The following CLSTN2 variants were observed in gnomAD, a reference collection of about 807,000 sequenced individuals.
CLSTN2 encodes the protein calsyntenin 2.
A neutral mutation model predicts 101.2 loss-of-function variants in CLSTN2; 48 were observed. That is an observed-to-expected ratio of 0.47 (90% CI 0.38 to 0.60). The LOEUF (loss-of-function observed/expected upper bound fraction) is 0.60, where lower values mean the gene tolerates loss of function less well. CLSTN2 is among the 20% of genes least tolerant of loss of function. CLSTN2 has a pLI of 0.00. For synonymous variants in CLSTN2, 481 were observed against 463.6 expected, an observed-to-expected ratio of 1.04 and a Z score of -0.48; for missense variants, 1,160 against 1,238.2, an observed-to-expected ratio of 0.94 and a Z score of 0.95.
intron 2 of CLSTN2, among the ~76,000 whole-genome samples, chr3:140,368,465 T>C (rs1479275156): frequency 2.0e-5 from 3 of 152,194 alleles, no homozygotes; most frequent in African/African-American, 7.2e-5. Flanking sequence ...TCCTGTTAAA[T>C]GGCCCCATCA....
At chr3:140,029,361 A>G (rs1411987697) in intron 1 of CLSTN2, among the ~76,000 whole-genome samples, 1 of 151,934 alleles carries the variant, frequency 6.6e-6, no homozygotes, top group Non-Finnish European at 1.5e-5. Context: ...TTTGTGACTA[A>G]AAGTATATAG....
chr3:140,532,323 G>T lies in CLSTN2; in HGVS notation c.1345-1G>T. The T allele has an allele frequency of 1.3e-6, 2 of 1,586,088 alleles. No homozygotes were observed. The highest frequency in any genetic ancestry group is 1.2e-5 in the South Asian group (1 of 85,646). On this transcript the variant is annotated splice_acceptor_variant, in intron 8 of 16. Transcript: ENST00000458420. LOFTEE classifies it high-confidence loss of function. ...ATGTTGCTTCTCTTTCCTTTTCTTA[G>T]ATTTGTGACAAAGAGTGGCACTACT...
intron 1 of CLSTN2, among the ~76,000 whole-genome samples, chr3:140,038,677 T>C (rs1268485344): frequency 6.6e-6 from 1 of 152,136 alleles, no homozygotes; most frequent in East Asian, 1.9e-4. Flanking sequence ...AAAAAGTAAT[T>C]CCTCACTATC....
At chr3:140,354,792 G>A (rs1462080471) in intron 2 of CLSTN2, among the ~76,000 whole-genome samples, 1 of 152,182 alleles carries the variant, frequency 6.6e-6, no homozygotes, top group African/African-American at 2.4e-5. Flanking sequence ...AACAGACTTT[G>A]CTTTCTCTCT....
intron 1 of CLSTN2, among the ~76,000 whole-genome samples, chr3:139,985,962 G>A (rs371130232): frequency 4.6e-5 from 7 of 152,352 alleles, no homozygotes; most frequent in Admixed American, 2.6e-4. Flanking sequence ...CATGTGGCTA[G>A]TGGCTGCTAC....
chr3:140,048,996 G>T (rs563225969), intron 1 of CLSTN2, among the ~76,000 whole-genome samples: 1 of 152,322 alleles, frequency 6.6e-6, no homozygotes, highest in East Asian at 1.9e-4. Flanking sequence ...TGTTTGTGCT[G>T]GTCTTTGCAC....
rs536399245 is a variant in CLSTN2 at position 140,222,374 on chromosome 3, G to A, written c.232+46301G>A. Among the ~76,000 whole-genome samples, 325 of 152,024 alleles carry A rather than the reference G, an allele frequency of 2.1e-3. 1 individual carries two copies. The highest frequency in any genetic ancestry group is 7.4e-3 in the African/African-American group (306 of 41,410). ...TGGGGATAGTTAATTCGTACAAAAA[G>A]AAAAACTTAGAAAGAATCAATAAGG... On this transcript the variant is annotated intron_variant, in intron 2 of 16. Coordinates refer to ENST00000458420, the MANE Select transcript of CLSTN2 (RefSeq NM_022131.3).
intron 1 of CLSTN2, among the ~76,000 whole-genome samples, chr3:139,993,096 G>A (rs921393195): frequency 6.6e-6 from 1 of 152,154 alleles, no homozygotes; most frequent in Non-Finnish European, 1.5e-5. Context: ...TCTGTTGTGT[G>A]TGTGTATGGG....
At position 140,209,076 on chromosome 3, in the gene CLSTN2, GA is replaced by G. The variant is rs546170076; in HGVS notation, c.232+33011del. ...TTTCTATAAGAACAATTTATTTATG[GA>G]AAAAAAATCACTCCCATTCTGTCTA... On this transcript the variant is annotated intron_variant, in intron 2 of 16. Coordinates refer to ENST00000458420, the MANE Select transcript of CLSTN2 (RefSeq NM_022131.3). Among the ~76,000 whole-genome samples, 267 of 151,948 alleles carry G rather than the reference GA, an allele frequency of 1.8e-3. 2 individuals are homozygous for G. The highest frequency in any genetic ancestry group is 6.2e-3 in the African/African-American group (257 of 41,448).
intron 2 of CLSTN2, among the ~76,000 whole-genome samples, chr3:140,359,990 T>TTA (rs1257212524): frequency 3.7e-5 from 4 of 106,808 alleles, no homozygotes; most frequent in South Asian, 3.0e-4. Flanking sequence ...CATACATATT[T>TTA]TATACACACA....
intron 2 of CLSTN2, among the ~76,000 whole-genome samples, chr3:140,388,313 A>G (rs1559855972): frequency 1.3e-5 from 2 of 152,268 alleles, no homozygotes; most frequent in Non-Finnish European, 2.9e-5. Context: ...TAATTTGAAT[A>G]TGGCTATTGA....
intron 1 of CLSTN2, among the ~76,000 whole-genome samples, chr3:140,102,670 C>T (rs533883795): frequency 3.3e-5 from 5 of 152,236 alleles, no homozygotes; most frequent in African/African-American, 1.2e-4. Flanking sequence ...GTTAATGATA[C>T]TGGTATGAGA....
intron 9 of CLSTN2, among the ~76,000 whole-genome samples, chr3:140,537,149 C>A (rs1935376591): frequency 2.0e-5 from 3 of 152,078 alleles, no homozygotes; most frequent in Admixed American, 1.3e-4. Flanking sequence ...GTTTCAGGTG[C>A]TTTTGAGGTT....
At chr3:140,057,995 G>T (rs1433571458) in intron 1 of CLSTN2, among the ~76,000 whole-genome samples, 1 of 152,162 alleles carries the variant, frequency 6.6e-6, no homozygotes, top group Non-Finnish European at 1.5e-5. Flanking sequence ...TTCACGCTCT[G>T]CAAGGCCTTA....
intron 2 of CLSTN2, among the ~76,000 whole-genome samples, chr3:140,277,503 A>G (rs561253297): frequency 1.2e-4 from 18 of 152,220 alleles, no homozygotes; most frequent in Non-Finnish European, 1.8e-4. Flanking sequence ...CCTAGAATTT[A>G]CTTAGCAATA....
Position 139,957,126 on chromosome 3 carries a change from T to C in CLSTN2, c.109+21643T>C, listed in dbSNP as rs112586288. 6.5e-3 allele frequency among the ~76,000 whole-genome samples: 996 copies of C among 152,324 alleles called. 6 individuals are homozygous for C. Among genetic ancestry groups the C allele is most frequent in the African/African-American group, 0.023 (965 of 41,580 alleles). On this transcript the variant is annotated intron_variant, in intron 1 of 16. Coordinates refer to ENST00000458420, the MANE Select transcript of CLSTN2 (RefSeq NM_022131.3). ...CATTGAATGAGGCTGGAGTCAGGAT[T>C]GGCAGAGGTGATGACAGCAGGTGAT... is the stretch of plus-strand genomic sequence containing the variant.
intron 8 of CLSTN2, among the ~76,000 whole-genome samples, chr3:140,484,269 T>C (rs1934191501): frequency 6.6e-6 from 1 of 152,212 alleles, no homozygotes; most frequent in Admixed American, 6.5e-5. Flanking sequence ...AATTCTTTTC[T>C]TTAAGAATGT....
chr3:140,545,770 T>A (rs1935572544), intron 9 of CLSTN2, among the ~76,000 whole-genome samples: 4 of 151,930 alleles, frequency 2.6e-5, no homozygotes, highest in Admixed American at 2.0e-4. Context: ...GGACCTGAGC[T>A]CCCATAGGAC....
chr3:140,022,707 C>T (rs2007344244), intron 1 of CLSTN2, among the ~76,000 whole-genome samples: 2 of 152,232 alleles, frequency 1.3e-5, no homozygotes, highest in South Asian at 4.2e-4. Flanking sequence ...GGGTGGTGGG[C>T]AAGTTTTATG....
Sources: allele counts gnomAD v4.1 joint callset (sites outside exome capture counted in the v4.1 genomes callset), GRCh38; gene constraint gnomAD v4.1.1; transcripts MANE v1.5; gene names NCBI Gene and HGNC (gene_info 2026-07-23, HGNC 2026-07-21).